The following RBM38 variants were observed in gnomAD, a reference collection of about 807,000 sequenced individuals.
RBM38 encodes RNA-binding protein 38.
RBM38 carries 11 observed loss-of-function variants against 23.5 expected under a neutral mutation model. The ratio of observed to expected loss-of-function variants is 0.47; its 90% CI spans 0.29 to 0.77. The LOEUF is 0.77. Ranked by LOEUF, RBM38 falls within the 30% of genes least tolerant of loss-of-function variation. The pLI, the probability that RBM38 is intolerant of heterozygous loss-of-function variation, is 0.08. For missense variants in RBM38, 330 were observed against 351.9 expected (o/e 0.94, Z 0.50); for synonymous variants, 165 against 166.1 (o/e 0.99, Z 0.05).
At chr20:57,400,120 A>G (rs890738395) in intron 3 of RBM38, among the ~76,000 whole-genome samples, 2 of 152,156 alleles carry the variant, frequency 1.3e-5, no homozygotes, top group African/African-American at 4.8e-5. Context: ...TGGACTCTGC[A>G]GCATCCTTAG....
chr20:57,395,755 A>ACGGAGCCGGAGAGCTGGGC (rs1568807190), intron 3 of RBM38, among the ~76,000 whole-genome samples: 3 of 152,108 alleles, frequency 2.0e-5, no homozygotes, highest in African/African-American at 7.2e-5. Flanking sequence ...CCGCCCGCTG[A>ACGGAGCCGGAGAGCTGGGC]CGGAGCTGGA....
At chr20:57,392,929 C>T (rs964876819) in intron 2 of RBM38, 152 bp downstream of exon 2, 16 of 1,055,692 alleles carry the variant, frequency 1.5e-5, no homozygotes, top group East Asian at 1.0e-4. Flanking sequence ...CCATCCCCCC[C>T]TCGAGGATCT....
At chr20:57,395,768 G>A (rs1257041281) in intron 3 of RBM38, among the ~76,000 whole-genome samples, 1 of 141,480 alleles carries the variant, frequency 7.1e-6, no homozygotes. Flanking sequence ...GAGCTGGAGA[G>A]CTGGGCCGGA....
rs2067406946 is a variant in RBM38, at chr20:57,408,086, A to C, written c.*240A>C. 2 of 581,990 alleles carry C rather than the reference A, an allele frequency of 3.4e-6. No homozygotes were observed. The highest frequency in any genetic ancestry group is 6.1e-6 in the Non-Finnish European group (2 of 327,932). The allele number at this position is 581,990 out of a possible 1,614,324, so 36.1% of individuals were successfully genotyped here. Reference sequence around the variant, plus strand: ...TTTAAGAATGACTGAGAACTATTTAAAGACGCAATCCCAGGTTCCTTGCAC... The same window carrying C: ...TTTAAGAATGACTGAGAACTATTTACAGACGCAATCCCAGGTTCCTTGCAC... On this transcript the variant is annotated 3_prime_UTR_variant, in exon 4 of 4. Coordinates refer to ENST00000356208, the MANE Select transcript of RBM38 (RefSeq NM_017495.6).
At chr20:57,398,274 G>GTA (rs2067294739) in intron 3 of RBM38, among the ~76,000 whole-genome samples, 1 of 149,810 alleles carries the variant, frequency 6.7e-6, no homozygotes, top group Non-Finnish European at 1.5e-5. Context: ...GTGTGTGTGT[G>GTA]TACGCACGCA....
intron 3 of RBM38, among the ~76,000 whole-genome samples, chr20:57,394,527 A>T (rs1292667369): frequency 6.6e-6 from 1 of 152,058 alleles, no homozygotes; most frequent in Non-Finnish European, 1.5e-5. Context: ...GGGCCCTTCT[A>T]GCCTGTGCGA....
intron 3 of RBM38, among the ~76,000 whole-genome samples, chr20:57,393,826 G>A (rs1432188041): frequency 2.6e-5 from 4 of 152,176 alleles, no homozygotes; most frequent in African/African-American, 7.2e-5. Context: ...CTGTAGATAC[G>A]ATGTGTTTGG....
At chr20:57,393,011 A>T in intron 2 of RBM38, 1 of 678,208 alleles carries the variant, frequency 1.5e-6, no homozygotes, top group Non-Finnish European at 2.5e-6. Flanking sequence ...CCCAGTTGCC[A>T]GCTGTCCTCG....
Position 57,392,744 on chromosome 20 carries a change from T to C in RBM38, c.328T>C (p.Tyr110His). 1 of 1,613,052 alleles carries C rather than the reference T, an allele frequency of 6.2e-7. No homozygotes were observed. The highest frequency in any genetic ancestry group is 8.5e-7 in the Non-Finnish European group (1 of 1,179,830). Residue 110 changes from tyrosine (Y) to histidine (H), a missense_variant, in exon 2 of 4, where the codon TAT becomes CAT. Physicochemically the swap from Tyr to His is moderately conservative, Grantham distance 83. This residue lies in a region of RBM38 where 227 missense variants were observed against 216.4 expected (regional missense o/e 1.05). Transcript: ENST00000356208. ...CCGCAAGGCCAACGTGAACCTGGCATATCTGGGCGCCAAGCCGCGGAGCCT... is the reference window on the plus strand; with the variant it reads ...CCGCAAGGCCAACGTGAACCTGGCACATCTGGGCGCCAAGCCGCGGAGCCT... ...DGRKANVNLA[Y>H]LGAKPRSLQT...
intron 3 of RBM38, among the ~76,000 whole-genome samples, chr20:57,395,692 C>T (rs2067267119): frequency 6.6e-6 from 1 of 152,190 alleles, no homozygotes. Flanking sequence ...CCGGGTGCAG[C>T]TCCAGGGAGG....
At chr20:57,392,018 A>ACCCCCC (rs1568804238) in intron 1 of RBM38, among the ~76,000 whole-genome samples, 200 bp downstream of exon 1, 4 of 48,180 alleles carry the variant, frequency 8.3e-5, no homozygotes, top group African/African-American at 1.2e-4. Flanking sequence ...CCCGGCCCCC[A>ACCCCCC]CCCCCACCCC....
intron 3 of RBM38, among the ~76,000 whole-genome samples, chr20:57,404,639 C>T (rs1439252177): frequency 6.6e-6 from 1 of 152,238 alleles, no homozygotes; most frequent in Admixed American, 6.5e-5. Context: ...GTGCCACCCA[C>T]CGGGCCTTTG....
rs11021 is a variant in RBM38 at position 57,409,036 on chromosome 20, C to G, written c.*1190C>G. On this transcript the variant is annotated 3_prime_UTR_variant, in exon 4 of 4. Coordinates refer to ENST00000356208, the MANE Select transcript of RBM38 (RefSeq NM_017495.6). Reference sequence around the variant, plus strand: ...CCAGCCTGAGACGGTTCCTGCCTGTCTTGGGGGTTGGTGGAGGGTGGAGGC... The same window carrying G: ...CCAGCCTGAGACGGTTCCTGCCTGTGTTGGGGGTTGGTGGAGGGTGGAGGC... 5 of 152,872 alleles carry G rather than the reference C, an allele frequency of 3.3e-5. No homozygotes were observed. The highest frequency in any genetic ancestry group is 1.2e-4 in the African/African-American group (5 of 41,510). 9.5% of individuals were successfully genotyped at this position (152,872 alleles called of 1,614,324 possible).
rs1326018109 is a variant in RBM38, at chr20:57,408,043, T to C, written c.*197T>C. On this transcript the variant is annotated 3_prime_UTR_variant, in exon 4 of 4. Coordinates refer to ENST00000356208, the MANE Select transcript of RBM38 (RefSeq NM_017495.6). ...GGCTTCTCTTTAATCTAGGTCCCAT[T>C]GTGTCTTGAGGGAGGACTTTAAGAA... 3.1e-6 allele frequency: 2 copies of C among 652,348 alleles called. No homozygotes were observed. Among genetic ancestry groups the C allele is most frequent in the Non-Finnish European group, 5.2e-6 (2 of 385,124 alleles). 40.4% of individuals were successfully genotyped at this position (652,348 alleles called of 1,614,324 possible). A position where few individuals can be genotyped will look rare whatever the true frequency, so the allele number is the denominator to read the frequency against.
In RBM38 at chr20:57,406,510, G is replaced by A. The variant is rs1288478810; in HGVS notation, c.417-1033G>A. Among the ~76,000 whole-genome samples the A allele has an allele frequency of 3.3e-5, 5 of 152,188 alleles. No individual in the cohort carries two copies. In the East Asian group the frequency reaches 7.7e-4, roughly 24 times the overall value. On this transcript the variant is annotated intron_variant, in intron 3 of 3. Coordinates refer to ENST00000356208, the MANE Select transcript of RBM38 (RefSeq NM_017495.6). ...GGCCTCATGATGGGAAGACCAAGCCGACGGGGTGACGCACCCAGTCACAGT... is the reference window on the plus strand; with the variant it reads ...GGCCTCATGATGGGAAGACCAAGCCAACGGGGTGACGCACCCAGTCACAGT...
chr20:57,392,501 C>A, intron 1 of RBM38, 153 bp from the exon 2 acceptor site: 1 of 1,531,410 alleles, frequency 6.5e-7, no homozygotes, highest in Non-Finnish European at 8.8e-7. Flanking sequence ...AGGTAGGGTT[C>A]AGAGGAGCTT....
chr20:57,407,478 A>T lies in RBM38; in HGVS notation c.417-65A>T, dbSNP rs1431685989. The T allele has an allele frequency of 6.5e-7, 1 of 1,541,118 alleles. No homozygotes were observed. ...GGGGGCGGCACGCATCGTGTACCCC[A>T]CTGTTCTCCCAGCTGTATTCCCCAA... is the stretch of plus-strand genomic sequence containing the variant. On this transcript the variant is annotated intron_variant, in intron 3 of 3. Coordinates refer to ENST00000356208, the MANE Select transcript of RBM38 (RefSeq NM_017495.6). The surrounding 1 kb of genome is among the most constrained non-coding windows in gnomAD (Gnocchi z 4.0).
At position 57,408,888 on chromosome 20, in the gene RBM38, T is replaced by G. The variant is rs1336041760; in HGVS notation, c.*1042T>G. 3 of 152,758 alleles carry G rather than the reference T, an allele frequency of 2.0e-5. No individual in the cohort carries two copies. The highest frequency in any genetic ancestry group is 4.8e-5 in the African/African-American group (2 of 41,454). The allele number at this position is 152,758 out of a possible 1,614,324, so 9.5% of individuals were successfully genotyped here. ...AAGTGATCCACAGCATTCAGGCCACTTGGGGTCTAGACCATGGTGGTGCCA... is the reference window on the plus strand; with the variant it reads ...AAGTGATCCACAGCATTCAGGCCACGTGGGGTCTAGACCATGGTGGTGCCA... On this transcript the variant is annotated 3_prime_UTR_variant, in exon 4 of 4. Transcript: ENST00000356208.
chr20:57,405,444 T>C (rs1023270132), intron 3 of RBM38, among the ~76,000 whole-genome samples: 1 of 152,200 alleles, frequency 6.6e-6, no homozygotes, highest in African/African-American at 2.4e-5. Context: ...GAGGCGCCAC[T>C]GCGGGGTTCC....
Sources: allele counts gnomAD v4.1 joint callset (sites outside exome capture counted in the v4.1 genomes callset), GRCh38; gene constraint gnomAD v4.1.1; regional missense constraint gnomAD v4.1.1; non-coding constraint Gnocchi (gnomAD v3.1); transcripts MANE v1.5; gene names NCBI Gene and HGNC (gene_info 2026-07-23, HGNC 2026-07-21).